The following STRIP2 variants were observed in gnomAD, a reference collection of about 807,000 sequenced individuals.
The protein encoded by STRIP2 is striatin-interacting protein 2.
A neutral mutation model predicts 107.1 loss-of-function variants in STRIP2; 84 were observed. The observed-to-expected ratio is 0.78, with a 90% confidence interval of 0.66 to 0.94. The LOEUF is 0.94. Ranked by LOEUF, STRIP2 falls within the 40% of genes least tolerant of loss-of-function variation. The pLI is 0.00. For synonymous variants in STRIP2, 394 were observed against 400.4 expected (o/e 0.98, Z 0.19); for missense variants, 888 against 1,034.2 (o/e 0.86, Z 1.94).
At chr7:129,437,978 T>G (rs975743607) in intron 1 of STRIP2, among the ~76,000 whole-genome samples, 25 of 152,244 alleles carry the variant, frequency 1.6e-4, no homozygotes, top group African/African-American at 5.5e-4. Flanking sequence ...GCTAATTTTT[T>G]GTATTTTTAG....
chr7:129,480,799 C>T lies in STRIP2; in HGVS notation c.1959C>T (p.Asn653=). 2 of 1,613,468 alleles carry T rather than the reference C, an allele frequency of 1.2e-6. No homozygotes were observed. The highest frequency in any genetic ancestry group is 8.5e-7 in the Non-Finnish European group (1 of 1,179,712). Residue 653 remains asparagine (N), a synonymous_variant, in exon 19 of 21, where the codon AAC becomes AAT. Transcript: ENST00000249344. ...LTTESLEAGD[N]SQFCWRNLFS... Reference sequence around the variant, plus strand: ...CCCTACTATAGGAAGCTGGAGACAACAGCCAGTTCTGCTGGAGGAACCTCT... The same window carrying T: ...CCCTACTATAGGAAGCTGGAGACAATAGCCAGTTCTGCTGGAGGAACCTCT...
rs1799170272 is a variant in STRIP2 at position 129,483,094 on chromosome 7, G to A, written c.2254+48G>A. 3 of 1,588,270 alleles carry A rather than the reference G, an allele frequency of 1.9e-6. No homozygotes were observed. The highest frequency in any genetic ancestry group is 2.6e-6 in the Non-Finnish European group (3 of 1,166,104). Reference sequence around the variant, plus strand: ...ACTTCCTGGAGTTTCCTGGGGTTTAGACAAAACTAAATAAATATTTATCAC... The same window carrying A: ...ACTTCCTGGAGTTTCCTGGGGTTTAAACAAAACTAAATAAATATTTATCAC... On this transcript the variant is annotated intron_variant, in intron 20 of 20. Coordinates refer to ENST00000249344, the MANE Select transcript of STRIP2 (RefSeq NM_020704.3). This position sits in a 1 kb window ranked among gnomAD's most constrained non-coding sequence, Gnocchi z 5.1.
intron 2 of STRIP2, among the ~76,000 whole-genome samples, chr7:129,442,517 C>T (rs1004051524): frequency 1.3e-5 from 2 of 152,100 alleles, no homozygotes; most frequent in African/African-American, 4.8e-5. Context: ...GAAGATAATA[C>T]ACAGGTGTCT....
intron 13 of STRIP2, among the ~76,000 whole-genome samples, chr7:129,462,505 T>C (rs189269998): frequency 3.3e-5 from 5 of 152,326 alleles, no homozygotes; most frequent in Non-Finnish European, 5.9e-5. Context: ...GAGAAAGTGA[T>C]GTAGGGGCTA....
intron 5 of STRIP2, among the ~76,000 whole-genome samples, chr7:129,453,938 C>G (rs1798267312): frequency 6.6e-6 from 1 of 152,164 alleles, no homozygotes; most frequent in Non-Finnish European, 1.5e-5. Context: ...TACCACAGAT[C>G]CTGCCCTTGC....
chr7:129,450,918 C>CTTTTTTTTTTTTTTT (rs758536953), intron 3 of STRIP2, among the ~76,000 whole-genome samples: 2 of 54,512 alleles, frequency 3.7e-5, no homozygotes, highest in African/African-American at 7.9e-5. Context: ...GAGAAAGGTC[C>CTTTTTTTTTTTTTTT]TTTTTTTTTT....
intron 16 of STRIP2, among the ~76,000 whole-genome samples, chr7:129,466,837 T>A (rs192439639): frequency 9.2e-4 from 140 of 152,346 alleles, no homozygotes; most frequent in Non-Finnish European, 7.3e-5. Flanking sequence ...TACTTACTGA[T>A]ATTCTAAATA....
intron 7 of STRIP2, among the ~76,000 whole-genome samples, 155 bp downstream of exon 7, chr7:129,454,682 G>C (rs1798295544): frequency 6.6e-6 from 1 of 152,086 alleles, no homozygotes; most frequent in African/African-American, 2.4e-5. Flanking sequence ...TGCATGGCAG[G>C]CACAAGGGCT....
In STRIP2 at chr7:129,458,068, A is replaced by C; in HGVS notation, c.1039-147A>C. The C allele has an allele frequency of 5.6e-6, 4 of 718,564 alleles. No individual in the cohort carries two copies. Among genetic ancestry groups the C allele is most frequent in the Non-Finnish European group, 1.0e-5 (4 of 396,200 alleles). The allele number at this position is 718,564 out of a possible 1,614,324, so 44.5% of individuals were successfully genotyped here. ...TTGGGCCGGGTGGGGACAGTAGGTTAAGGTGGGGAATTGGATGTTTTCGCA... is the reference window on the plus strand; with the variant it reads ...TTGGGCCGGGTGGGGACAGTAGGTTCAGGTGGGGAATTGGATGTTTTCGCA... On this transcript the variant is annotated intron_variant, in intron 9 of 20. Transcript: ENST00000249344. This position sits in a 1 kb window ranked among gnomAD's most constrained non-coding sequence, Gnocchi z 4.6.
rs575812708 is a variant in STRIP2 at position 129,466,323 on chromosome 7, CAAATA to C, written c.1777-1019_1777-1015del. 4.3e-4 allele frequency among the ~76,000 whole-genome samples: 66 copies of C among 152,134 alleles called. No individual in the cohort carries two copies. The East Asian group carries it at 0.012, about 28-fold the overall frequency. ...GCTTTGGAAAATACCCTGGATTTTA[CAAATA>C]AAATAAATAACCTTCCAGGGAGAAA... is the stretch of plus-strand genomic sequence containing the variant. On this transcript the variant is annotated intron_variant, in intron 16 of 20. Coordinates refer to ENST00000249344, the MANE Select transcript of STRIP2 (RefSeq NM_020704.3).
At chr7:129,441,951 G>A (rs148010356) in intron 2 of STRIP2, among the ~76,000 whole-genome samples, 16 of 152,170 alleles carry the variant, frequency 1.1e-4, no homozygotes, top group Non-Finnish European at 2.4e-4. Flanking sequence ...GCTTGGCCAG[G>A]TACGGTAGCT....
At chr7:129,473,799 C>T (rs376496025) in intron 18 of STRIP2, among the ~76,000 whole-genome samples, 1 of 151,918 alleles carries the variant, frequency 6.6e-6, no homozygotes, top group South Asian at 2.1e-4. Flanking sequence ...CTCACTGCAA[C>T]CTCTGCCTCC....
At chr7:129,437,847 C>A (rs112936167) in intron 1 of STRIP2, among the ~76,000 whole-genome samples, 6,431 of 150,522 alleles carry the variant, frequency 0.043, 173 homozygotes, top group South Asian at 0.069. Flanking sequence ...ACTCTGTCAC[C>A]CAGGCTGGAG....
intron 6 of STRIP2, 70 bp downstream of exon 6, chr7:129,454,280 C>A: frequency 9.0e-6 from 14 of 1,548,968 alleles, no homozygotes; most frequent in Non-Finnish European, 1.2e-5. Flanking sequence ...TTCCCCAAAT[C>A]CCAGATGACT....
chr7:129,439,911 G>A (rs992316555), intron 1 of STRIP2, 111 bp from the exon 2 acceptor site: 8 of 834,096 alleles, frequency 9.6e-6, no homozygotes, highest in African/African-American at 1.7e-5. Flanking sequence ...CTGTCTCCCT[G>A]ATCTAACCTT....
chr7:129,464,547 C>T, intron 15 of STRIP2, 65 bp from the exon 16 acceptor site: 1 of 1,572,974 alleles, frequency 6.4e-7, no homozygotes, highest in East Asian at 2.2e-5. Context: ...ACCCAAATAC[C>T]TGGATCCCTA....
chr7:129,474,669 C>T (rs1272256793), intron 18 of STRIP2, among the ~76,000 whole-genome samples: 1 of 152,068 alleles, frequency 6.6e-6, no homozygotes, highest in Admixed American at 6.6e-5. Flanking sequence ...GCCATTACTG[C>T]CCAGCTAATT....
At chr7:129,482,379 T>TA (rs1799147102) in intron 19 of STRIP2, among the ~76,000 whole-genome samples, 38 of 101,618 alleles carry the variant, frequency 3.7e-4, no homozygotes, top group African/African-American at 1.4e-3. Context: ...ATATATATAT[T>TA]TTTTTTTTTT....
At chr7:129,467,641 A>G (rs1404535785) in intron 17 of STRIP2, among the ~76,000 whole-genome samples, 191 bp downstream of exon 17, 3 of 152,188 alleles carry the variant, frequency 2.0e-5, no homozygotes, top group African/African-American at 7.2e-5. Flanking sequence ...GGAAGTATTT[A>G]TATTTTAATA....
Sources: gnomAD v4.1 joint callset for allele counts (sites outside exome capture counted in the v4.1 genomes callset) on GRCh38, gnomAD v4.1.1 for gene constraint, Gnocchi (gnomAD v3.1) non-coding constraint, MANE v1.5 for transcripts, NCBI Gene and HGNC (gene_info 2026-07-23, HGNC 2026-07-21) for gene names.